Variants in TUSC3 observed in about 807,000 individuals in gnomAD.
TUSC3 encodes the protein dolichyl-diphosphooligosaccharide--protein glycosyltransferase subunit TUSC3.
TUSC3 carries 45 observed loss-of-function variants against 44.8 expected under a neutral mutation model. The ratio of observed to expected loss-of-function variants is 1.00; its 90% confidence interval spans 0.79 to 1.29. The LOEUF (loss-of-function observed/expected upper bound fraction) is 1.29. Ranked by LOEUF, TUSC3 falls within the 50% of genes most tolerant of loss-of-function variation. The pLI, the probability that TUSC3 is intolerant of heterozygous loss-of-function variation, is 0.00. For missense variants in TUSC3, 519 were observed against 437.9 expected (o/e 1.19, Z -1.65); for synonymous variants, 212 against 152.9 (o/e 1.39, Z -2.85).
chr8:15,650,350 A>C (rs1563153922), intron 2 of TUSC3, among the ~76,000 whole-genome samples: 1 of 152,200 alleles, frequency 6.6e-6, no homozygotes, highest in Admixed American at 6.5e-5. Flanking sequence ...TTTATTCCCT[A>C]GAGTAAGAGT....
chr8:15,488,110 G>A (rs909686866), intron 2 of TUSC3, among the ~76,000 whole-genome samples: 2 of 151,980 alleles, frequency 1.3e-5, no homozygotes, highest in South Asian at 2.1e-4. Flanking sequence ...AAAATGTCAC[G>A]ATTCTTTGAC....
chr8:15,817,786 C>G, the TUSC3 span, among the ~76,000 whole-genome samples: 1 of 152,156 alleles, frequency 6.6e-6, no homozygotes, highest in Non-Finnish European at 1.5e-5. Flanking sequence ...TGACAGCAGA[C>G]TAATACACAA....
intron 10 of TUSC3, chr8:15,758,153 G>C: frequency 1.0e-5 from 11 of 1,102,726 alleles, no homozygotes; most frequent in Non-Finnish European, 1.2e-5. Context: ...ATCACTTAGG[G>C]AAAAAAGGCA....
chr8:15,548,368 ATTG>A (rs1801945106), intron 1 of TUSC3, among the ~76,000 whole-genome samples: 1 of 151,786 alleles, frequency 6.6e-6, no homozygotes, highest in Admixed American at 6.6e-5. Context: ...CTTGCAAATT[ATTG>A]TTTTAGAAGT....
chr8:15,418,462 C>T (rs545314288), intron 1 of TUSC3, among the ~76,000 whole-genome samples: 6 of 152,070 alleles, frequency 3.9e-5, no homozygotes, highest in South Asian at 2.1e-4. Flanking sequence ...ACTTGTGAAA[C>T]GTTTATTTTA....
chr8:15,712,132 G>C (rs1809878133), intron 6 of TUSC3, among the ~76,000 whole-genome samples: 1 of 151,802 alleles, frequency 6.6e-6, no homozygotes, highest in Admixed American at 6.6e-5. Context: ...TATTTTACAA[G>C]TATTGTAAAA....
chr8:15,464,237 A>T (rs1800386427), intron 1 of TUSC3, among the ~76,000 whole-genome samples: 1 of 152,136 alleles, frequency 6.6e-6, no homozygotes, highest in African/African-American at 2.4e-5. Flanking sequence ...TGCCAGCTGG[A>T]TGGTTCTGCT....
chr8:15,775,774 A>ATATATC, the TUSC3 span, among the ~76,000 whole-genome samples: 1 of 120,218 alleles, frequency 8.3e-6, no homozygotes, highest in African/African-American at 3.0e-5. Flanking sequence ...ATATATATAT[A>ATATATC]TATCTTCCGT....
chr8:15,720,227 CACACACAGAG>C (rs1810250249), intron 6 of TUSC3, among the ~76,000 whole-genome samples: 1 of 150,104 alleles, frequency 6.7e-6, no homozygotes, highest in Admixed American at 6.7e-5. Flanking sequence ...CACACACACA[CACACACAGAG>C]AGAACATTTC....
chr8:15,597,537 C>T (rs1190844868), intron 1 of TUSC3, among the ~76,000 whole-genome samples: 1 of 152,052 alleles, frequency 6.6e-6, no homozygotes, highest in Non-Finnish European at 1.5e-5. Flanking sequence ...CTTTGCAAAT[C>T]ATTTTTTAAG....
At chr8:15,605,464 C>G (rs1276814974) in intron 1 of TUSC3, among the ~76,000 whole-genome samples, 1 of 151,914 alleles carries the variant, frequency 6.6e-6, no homozygotes, top group African/African-American at 2.4e-5. Context: ...ATTTGCTACA[C>G]AGTTGACCCT....
chr8:15,594,935 A>G (rs1469014953), intron 1 of TUSC3, among the ~76,000 whole-genome samples: 1 of 152,184 alleles, frequency 6.6e-6, no homozygotes, highest in Non-Finnish European at 1.5e-5. Context: ...GATGCGCGTC[A>G]TCTTCACTGC....
intron 1 of TUSC3, among the ~76,000 whole-genome samples, chr8:15,438,382 C>T (rs1271371164): frequency 6.6e-6 from 1 of 152,216 alleles, no homozygotes; most frequent in Admixed American, 6.5e-5. Flanking sequence ...AGGCGTGAGC[C>T]ACCGCGCCCA....
chr8:15,804,611 T>C, the TUSC3 span, among the ~76,000 whole-genome samples: 3 of 152,226 alleles, frequency 2.0e-5, no homozygotes, highest in Non-Finnish European at 2.9e-5. Flanking sequence ...TTGCTGATTC[T>C]GTCAAAGATA....
At chr8:15,524,785 C>G (rs75599962) in intron 2 of TUSC3, among the ~76,000 whole-genome samples, 2,256 of 152,042 alleles carry the variant, frequency 0.015, 40 homozygotes, top group African/African-American at 0.048. Context: ...TGCAGACACC[C>G]TATAATATGT....
intron 1 of TUSC3, among the ~76,000 whole-genome samples, chr8:15,558,169 G>A (rs1467324750): frequency 2.3e-5 from 1 of 43,860 alleles, no homozygotes; most frequent in African/African-American, 6.5e-5. Context: ...ATTATTTTGA[G>A]ATATGTCCCA....
intron 2 of TUSC3, among the ~76,000 whole-genome samples, chr8:15,628,297 A>C (rs757892148): frequency 2.0e-5 from 3 of 152,196 alleles, no homozygotes; most frequent in Non-Finnish European, 2.9e-5. Flanking sequence ...TAATAACATA[A>C]ACCATAACAT....
At chr8:15,434,721 T>C (rs998927362) in intron 1 of TUSC3, among the ~76,000 whole-genome samples, 2 of 151,602 alleles carry the variant, frequency 1.3e-5, no homozygotes, top group African/African-American at 4.8e-5. Context: ...GTGTGTGATA[T>C]TCCCCTTGCT....
intron 2 of TUSC3, among the ~76,000 whole-genome samples, chr8:15,523,692 GTGTGTGTGTGTGTGTGTA>G (rs1801332678): frequency 2.1e-5 from 1 of 48,438 alleles, no homozygotes; most frequent in East Asian, 5.1e-4. Context: ...GTGTGTGTGT[GTGTGTGTGTGTGTGTGTA>G]TATATATATA....
Sources: gnomAD v4.1 joint callset for allele counts (sites outside exome capture counted in the v4.1 genomes callset) on GRCh38, gnomAD v4.1.1 for gene constraint, MANE v1.5 for transcripts, NCBI Gene and HGNC (gene_info 2026-07-23, HGNC 2026-07-21) for gene names.